UPF2: variants seen among roughly 807,000 people sequenced by gnomAD.
UPF2 encodes the protein UPF2 regulator of nonsense mediated mRNA decay, also known as regulator of nonsense transcripts 2.
A neutral mutation model predicts 141.4 loss-of-function variants in UPF2; 17 were observed. The observed-to-expected ratio is 0.12, with a 90% CI of 0.08 to 0.18. The LOEUF (loss-of-function observed/expected upper bound fraction) is 0.18, where lower values mean the gene tolerates loss of function less well. Ranked by LOEUF, UPF2 falls within the 10% of genes least tolerant of loss-of-function variation. The pLI, the probability that UPF2 is intolerant of heterozygous loss-of-function variation, is 1.00. For synonymous variants in UPF2, 540 were observed against 498.0 expected, an observed-to-expected ratio of 1.08 and a Z score of -1.12; for missense variants, 1,152 against 1,515.9, an observed-to-expected ratio of 0.76 and a Z score of 3.99.
In UPF2 at chr10:11,953,083, TCTCTA is replaced by T. The variant is rs1289053716; in HGVS notation, c.2851-839_2851-835del. On this transcript the variant is annotated intron_variant, in intron 14 of 21. Coordinates refer to ENST00000357604, the MANE Select transcript of UPF2 (RefSeq NM_015542.4). This position sits in a 1 kb window ranked among gnomAD's most constrained non-coding sequence, Gnocchi z 5.0. ...TATGGCATGGTGTGGATATTTTCCC[TCTCTA>T]CTCCAAGCCTGGTTCCCACATTCTA... Among the ~76,000 whole-genome samples the T allele has an allele frequency of 6.6e-6, 1 of 152,230 alleles. No individual in the cohort carries two copies. Among genetic ancestry groups the T allele is most frequent in the Non-Finnish European group, 1.5e-5 (1 of 68,040 alleles).
At position 12,014,903 on chromosome 10, in the gene UPF2, T is replaced by C. The variant is rs1834191358; in HGVS notation, c.1146-719A>G. ...AGGTAACAAATACTGAGAAGTCCAC[T>C]CACTCAGGCCAGCCCTTATCAAGGA... On this transcript the variant is annotated intron_variant, in intron 3 of 21. Coordinates refer to ENST00000357604, the MANE Select transcript of UPF2 (RefSeq NM_015542.4). This position sits in a 1 kb window ranked among gnomAD's most constrained non-coding sequence, Gnocchi z 5.0. Among the ~76,000 whole-genome samples, 1 of 152,184 alleles carries C rather than the reference T, an allele frequency of 6.6e-6. No homozygotes were observed. The highest frequency in any genetic ancestry group is 1.5e-5 in the Non-Finnish European group (1 of 68,034).
At chr10:12,000,078 G>C in intron 6 of UPF2, 69 bp from the exon 7 acceptor site, 1 of 1,298,248 alleles carries the variant, frequency 7.7e-7, no homozygotes, top group Non-Finnish European at 1.1e-6. Context: ...ATCCAATGAT[G>C]AATTATTTGG....
chr10:12,033,534 T>C (rs1413929045), intron 2 of UPF2, among the ~76,000 whole-genome samples: 1 of 152,160 alleles, frequency 6.6e-6, no homozygotes, highest in African/African-American at 2.4e-5. Flanking sequence ...GCTCTTGTTA[T>C]GTTACCAGGC....
rs554313984 is a variant in UPF2, at chr10:12,029,111, G to A, written c.779C>T (p.Thr260Ile). Residue 260 changes from threonine to isoleucine, a missense_variant, in exon 3 of 22, where the codon ACC (threonine) becomes ATC (isoleucine). By Grantham distance (89) the Thr-to-Ile change is moderately conservative. This residue lies in a region of UPF2 where 739 missense variants were observed against 1,032.2 expected (regional missense o/e 0.72). Coordinates refer to ENST00000357604, the MANE Select transcript of UPF2 (RefSeq NM_015542.4). ...ARKEEKTPNITKLRTDLRFIA... is the reference protein window; with the variant it reads ...ARKEEKTPNIIKLRTDLRFIA... ...AAAACGCAAATCAGTTCTTAACTTG[G>A]TGATGTTAGGTGTTTTCTCCTCTTT... 13 of 1,614,190 alleles carry A rather than the reference G, an allele frequency of 8.1e-6. No homozygotes were observed. In the East Asian group the frequency reaches 2.2e-4, roughly 28 times the overall value.
At chr10:12,015,994 T>C (rs1834211724) in intron 3 of UPF2, among the ~76,000 whole-genome samples, 1 of 152,180 alleles carries the variant, frequency 6.6e-6, no homozygotes, top group Non-Finnish European at 1.5e-5. Flanking sequence ...AGAGAGCATG[T>C]TTCCCCCTCT....
At chr10:11,970,914 C>T (rs1270989971) in intron 9 of UPF2, among the ~76,000 whole-genome samples, 2 of 151,976 alleles carry the variant, frequency 1.3e-5, no homozygotes, top group East Asian at 3.9e-4. Context: ...TTTAAATCTC[C>T]TTGGATGACG....
intron 21 of UPF2, among the ~76,000 whole-genome samples, chr10:11,924,744 T>G (rs1387979276): frequency 6.6e-6 from 1 of 152,132 alleles, no homozygotes; most frequent in Non-Finnish European, 1.5e-5. Context: ...CGTGAGCCAC[T>G]GCTCCTAGAC....
At chr10:11,961,089 CAAAAAAA>C (rs59208108) in intron 11 of UPF2, among the ~76,000 whole-genome samples, 4 of 86,242 alleles carry the variant, frequency 4.6e-5, no homozygotes, top group Non-Finnish European at 9.8e-5. Flanking sequence ...GACCCTGTCT[CAAAAAAA>C]AAAAAAAAAA....
Position 11,979,179 on chromosome 10 carries a change from A to G in UPF2, c.1845-14T>C. On this transcript the variant is annotated splice_polypyrimidine_tract_variant and intron_variant, in intron 8 of 21. Coordinates refer to ENST00000357604, the MANE Select transcript of UPF2 (RefSeq NM_015542.4). This position sits in a 1 kb window ranked among gnomAD's most constrained non-coding sequence, Gnocchi z 6.2. ...AGCAAATCCAACCTGCAAAAGTTAT[A>G]TGTGATATGTGTCAAAGGAAAGACA... The G allele has an allele frequency of 6.3e-7, 1 of 1,584,050 alleles. No homozygotes were observed. Among genetic ancestry groups the G allele is most frequent in the South Asian group, 1.1e-5 (1 of 89,446 alleles).
At chr10:12,022,278 G>A (rs548598121) in intron 3 of UPF2, among the ~76,000 whole-genome samples, 1 of 151,916 alleles carries the variant, frequency 6.6e-6, no homozygotes, top group East Asian at 1.9e-4. Context: ...CAGGCGTGGC[G>A]GCATGTGCCT....
chr10:12,028,090 T>C (rs1407256663), intron 3 of UPF2, among the ~76,000 whole-genome samples: 1 of 152,158 alleles, frequency 6.6e-6, no homozygotes, highest in Non-Finnish European at 1.5e-5. Context: ...TACTACACAG[T>C]AGTCTACCAT....
At position 11,943,959 on chromosome 10, in the gene UPF2, C is replaced by A. The variant is rs184500300; in HGVS notation, c.3175-791G>T. ...TTCATTTACCCCTCCACCCCAGTAT[C>A]CCAAGTCACCCCCGCATGGTTCCTT... On this transcript the variant is annotated intron_variant, in intron 16 of 21. Transcript: ENST00000357604. Among the ~76,000 whole-genome samples, 508 of 151,140 alleles carry A rather than the reference C, an allele frequency of 3.4e-3. 4 individuals carry two copies. The highest frequency in any genetic ancestry group is 4.3e-3 in the Non-Finnish European group (289 of 67,818).
At chr10:11,993,151 A>G (rs1191726059) in intron 8 of UPF2, among the ~76,000 whole-genome samples, 1 of 46,694 alleles carries the variant, frequency 2.1e-5, no homozygotes, top group African/African-American at 3.6e-5. Flanking sequence ...CTCCACCTCA[A>G]AAAAAAAAAA....
chr10:11,924,559 C>T (rs1191968158), intron 21 of UPF2, among the ~76,000 whole-genome samples: 3 of 150,268 alleles, frequency 2.0e-5, no homozygotes, highest in Non-Finnish European at 4.4e-5. Context: ...GCCTGGGTAA[C>T]AGAGCAACAT....
chr10:12,038,378 TCA>T (rs200544672), intron 1 of UPF2, among the ~76,000 whole-genome samples: 15,109 of 135,566 alleles, frequency 0.11, 992 homozygotes, highest in African/African-American at 0.21. Flanking sequence ...AGACTCCATC[TCA>T]CACACACACA....
At chr10:12,009,570 C>G (rs574387339) in intron 4 of UPF2, among the ~76,000 whole-genome samples, 2 of 152,194 alleles carry the variant, frequency 1.3e-5, no homozygotes, top group Non-Finnish European at 2.9e-5. Context: ...CACTGGACAT[C>G]AGGCAGTATA....
intron 18 of UPF2, among the ~76,000 whole-genome samples, chr10:11,938,723 T>C (rs1832884739): frequency 6.6e-6 from 1 of 152,014 alleles, no homozygotes; most frequent in Non-Finnish European, 1.5e-5. Flanking sequence ...AGACCATAAA[T>C]ATTTTCTTCC....
intron 12 of UPF2, among the ~76,000 whole-genome samples, chr10:11,958,532 A>G (rs1444077030): frequency 6.6e-6 from 1 of 152,248 alleles, no homozygotes; most frequent in Non-Finnish European, 1.5e-5. Context: ...TCAAACCTGC[A>G]ACATCATTCC....
chr10:11,979,100 G>A lies in UPF2; in HGVS notation c.1910C>T (p.Ala637Val), dbSNP rs1393875219. The change falls in exon 9 of 22, where the codon GCA becomes GTA. Residue 637 changes from alanine to valine, a missense_variant. Ala to Val is a moderately conservative substitution (Grantham distance 64, BLOSUM62 0). Transcript: ENST00000357604. The surrounding 1 kb of genome is among the most constrained non-coding windows in gnomAD (Gnocchi z 6.2). ...ATLHPCMSDV[A>V]EDLCSMLRGD... ...CCTCAGCATGGAACAAAGATCCTCTGCTACATCAGACATGCAGGGATGCAA... is the reference window on the plus strand; with the variant it reads ...CCTCAGCATGGAACAAAGATCCTCTACTACATCAGACATGCAGGGATGCAA... 1 of 1,613,312 alleles carries A rather than the reference G, an allele frequency of 6.2e-7. No homozygotes were observed. Among genetic ancestry groups the A allele is most frequent in the Non-Finnish European group, 8.5e-7 (1 of 1,179,616 alleles).
Sources: allele counts gnomAD v4.1 joint callset (sites outside exome capture counted in the v4.1 genomes callset), GRCh38; gene constraint gnomAD v4.1.1; regional missense constraint gnomAD v4.1.1; non-coding constraint Gnocchi (gnomAD v3.1); transcripts MANE v1.5; gene names NCBI Gene and HGNC (gene_info 2026-07-23, HGNC 2026-07-21).